Variants in XKR6 observed in about 807,000 individuals in gnomAD.
XKR6 encodes XK-related protein 6.
XKR6 carries 22 observed loss-of-function variants against 56.7 expected under a neutral mutation model. The observed-to-expected ratio is 0.39, with a 90% CI of 0.28 to 0.55. The LOEUF (loss-of-function observed/expected upper bound fraction) is 0.55, where lower values mean the gene tolerates loss of function less well. Ranked by LOEUF, XKR6 falls within the 20% of genes least tolerant of loss-of-function variation. XKR6 has a pLI of 0.66. For missense variants in XKR6, 852 were observed against 889.0 expected (o/e 0.96, Z 0.53); for synonymous variants, 524 against 387.8 (o/e 1.35, Z -4.13).
At position 11,200,999 on chromosome 8, in the gene XKR6, C is replaced by G; in HGVS notation, c.341G>C (p.Arg114Pro). Residue 114 changes from arginine to proline, a missense_variant, in exon 1 of 3, where the codon CGG becomes CCG. This residue lies in a region of XKR6 where 417 missense variants were observed against 355.2 expected (regional missense o/e 1.17). Transcript: ENST00000416569. This position sits in a 1 kb window ranked among gnomAD's most constrained non-coding sequence, Gnocchi z 6.4. ...GRQPPTPSAA[R>P]PEPPPPQVER... Reference sequence around the variant, plus strand: ...CACCTGCGGCGGCGGCGGCTCCGGCCGCGCGGCCGAGGGCGTCGGGGGTTG... The same window carrying G: ...CACCTGCGGCGGCGGCGGCTCCGGCGGCGCGGCCGAGGGCGTCGGGGGTTG... 1.2e-5 allele frequency: 18 copies of G among 1,447,062 alleles called. No individual in the cohort carries two copies. The highest frequency in any genetic ancestry group is 1.6e-5 in the Non-Finnish European group (18 of 1,099,282). The allele number at this position is 1,447,062 out of a possible 1,614,324, so 89.6% of individuals were successfully genotyped here. A position where few individuals can be genotyped will look rare whatever the true frequency, so the allele number is the denominator to read the frequency against.
At chr8:11,074,544 T>C (rs1197660246) in intron 1 of XKR6, among the ~76,000 whole-genome samples, 1 of 152,262 alleles carries the variant, frequency 6.6e-6, no homozygotes, top group African/African-American at 2.4e-5. Context: ...AAGGTGATTA[T>C]GGAGGTCCAT....
chr8:11,196,812 A>G (rs570177590), intron 1 of XKR6, among the ~76,000 whole-genome samples: 5 of 152,360 alleles, frequency 3.3e-5, no homozygotes, highest in African/African-American at 9.6e-5. Flanking sequence ...AACAGATTCT[A>G]TTCTCAGCCA....
intron 1 of XKR6, among the ~76,000 whole-genome samples, chr8:10,982,938 T>A (rs1797767936): frequency 6.6e-6 from 1 of 152,250 alleles, no homozygotes; most frequent in Non-Finnish European, 1.5e-5. Context: ...TTCCTAGCTA[T>A]ATGGCCTTGG....
At chr8:11,110,463 C>G (rs1490215882) in intron 1 of XKR6, among the ~76,000 whole-genome samples, 1 of 152,172 alleles carries the variant, frequency 6.6e-6, no homozygotes, top group Non-Finnish European at 1.5e-5. Flanking sequence ...GGATAATCCA[C>G]CAACCATCAA....
intron 2 of XKR6, among the ~76,000 whole-genome samples, chr8:10,902,235 A>T (rs889260451): frequency 4.6e-5 from 7 of 152,266 alleles, no homozygotes; most frequent in African/African-American, 1.7e-4. Context: ...GATTCCAGGC[A>T]TCTGACTGGG....
rs562958571 is a variant in XKR6 at position 11,046,257 on chromosome 8, G to A, written c.765-121427C>T. Among the ~76,000 whole-genome samples the A allele has an allele frequency of 3.3e-5, 5 of 152,106 alleles. No individual in the cohort carries two copies. The East Asian group carries it at 9.7e-4, about 29-fold the overall frequency. On this transcript the variant is annotated intron_variant, in intron 1 of 2. Coordinates refer to ENST00000416569, the MANE Select transcript of XKR6 (RefSeq NM_173683.4). The stretch of plus-strand genomic sequence containing the variant: ...TCTACTAAAAATACAAAAATTAGCT[G>A]GGCATGGTGGCACGTGCCTGTAATC...
intron 1 of XKR6, among the ~76,000 whole-genome samples, chr8:10,948,773 C>T (rs1221045425): frequency 6.6e-6 from 1 of 152,200 alleles, no homozygotes; most frequent in African/African-American, 2.4e-5. Flanking sequence ...CTCCTTGTAT[C>T]CGTGTCCACC....
At chr8:11,029,736 G>T (rs930608868) in intron 1 of XKR6, among the ~76,000 whole-genome samples, 1 of 151,898 alleles carries the variant, frequency 6.6e-6, no homozygotes, top group Non-Finnish European at 1.5e-5. Flanking sequence ...ATTTCCTCAC[G>T]TCAGTGCCAT....
chr8:11,198,596 A>C (rs1485891831), intron 1 of XKR6, among the ~76,000 whole-genome samples: 1 of 152,132 alleles, frequency 6.6e-6, no homozygotes, highest in Non-Finnish European at 1.5e-5. Context: ...TTGCCCTAAA[A>C]TCTGGACTTC....
At chr8:11,150,580 T>C (rs997290056) in intron 1 of XKR6, among the ~76,000 whole-genome samples, 18 of 152,060 alleles carry the variant, frequency 1.2e-4, no homozygotes, top group African/African-American at 4.3e-4. Flanking sequence ...AGGCTGGGCG[T>C]GGTGGCTCAT....
chr8:10,992,545 G>A (rs1443226607), intron 1 of XKR6, among the ~76,000 whole-genome samples: 1 of 152,180 alleles, frequency 6.6e-6, no homozygotes, highest in African/African-American at 2.4e-5. Flanking sequence ...ATGAGCAGCA[G>A]CCTGCAAACC....
intron 1 of XKR6, among the ~76,000 whole-genome samples, chr8:11,093,999 T>A (rs1287604307): frequency 6.6e-6 from 1 of 152,020 alleles, no homozygotes; most frequent in South Asian, 2.1e-4. Flanking sequence ...TTAGCCCGGA[T>A]GGTCTCGATC....
At chr8:11,013,869 C>A (rs768094804) in intron 1 of XKR6, among the ~76,000 whole-genome samples, 22 of 152,228 alleles carry the variant, frequency 1.4e-4, no homozygotes, top group Non-Finnish European at 2.9e-5. Context: ...CACGGCCCTG[C>A]CTTCCAGCCC....
chr8:11,156,440 G>A (rs2116994204), intron 1 of XKR6, among the ~76,000 whole-genome samples: 2 of 152,276 alleles, frequency 1.3e-5, no homozygotes, highest in South Asian at 2.1e-4. Flanking sequence ...CTGAATTCCT[G>A]GAGGGCAGAC....
At chr8:10,947,233 G>A (rs1007205217) in intron 1 of XKR6, among the ~76,000 whole-genome samples, 7 of 152,308 alleles carry the variant, frequency 4.6e-5, no homozygotes, top group East Asian at 1.9e-4. Flanking sequence ...ATGAAGACAC[G>A]TCTGAGATTT....
chr8:11,048,220 G>A lies in XKR6; in HGVS notation c.765-123390C>T, dbSNP rs576203976. On this transcript the variant is annotated intron_variant, in intron 1 of 2. Coordinates refer to ENST00000416569, the MANE Select transcript of XKR6 (RefSeq NM_173683.4). ...TGGGGCTGAACTTCCGTATCTCACC[G>A]ACAGGTCACCTCACACCATCAGCAA... Among the ~76,000 whole-genome samples, 133 of 152,240 alleles carry A rather than the reference G, an allele frequency of 8.7e-4. 1 individual carries two copies. Among genetic ancestry groups the A allele is most frequent in the African/African-American group, 3.0e-3 (124 of 41,524 alleles).
chr8:10,999,039 C>T (rs1377143593), intron 1 of XKR6, among the ~76,000 whole-genome samples: 1 of 152,204 alleles, frequency 6.6e-6, no homozygotes, highest in Admixed American at 6.5e-5. Context: ...GTACCCTCCT[C>T]TCAATGCTTG....
chr8:11,037,760 A>G (rs1799182169), intron 1 of XKR6, among the ~76,000 whole-genome samples: 1 of 152,098 alleles, frequency 6.6e-6, no homozygotes, highest in Non-Finnish European at 1.5e-5. Flanking sequence ...TGGGAGGCTA[A>G]GGCAGGAGAT....
intron 1 of XKR6, among the ~76,000 whole-genome samples, chr8:11,170,427 G>T (rs530949624): frequency 6.6e-6 from 1 of 152,316 alleles, no homozygotes; most frequent in South Asian, 2.1e-4. Flanking sequence ...GTAACATTAT[G>T]TGAAAGTAAA....
Sources: allele counts gnomAD v4.1 joint callset (sites outside exome capture counted in the v4.1 genomes callset), GRCh38; gene constraint gnomAD v4.1.1; regional missense constraint gnomAD v4.1.1; non-coding constraint Gnocchi (gnomAD v3.1); transcripts MANE v1.5; gene names NCBI Gene and HGNC (gene_info 2026-07-23, HGNC 2026-07-21).